Variants in TRIQK observed in about 807,000 individuals in gnomAD.
The protein encoded by TRIQK is triple QxxK/R motif-containing protein.
In TRIQK, 10 loss-of-function variants were observed where a neutral mutation model predicts 10.8. That is an observed-to-expected ratio of 0.92 (90% CI 0.57 to 1.57). The LOEUF (loss-of-function observed/expected upper bound fraction) is 1.57. Ranked by LOEUF, TRIQK falls within the 40% of genes most tolerant of loss-of-function variation. TRIQK has a pLI of 0.00. For missense variants in TRIQK, 107 were observed against 97.7 expected (o/e 1.09, Z -0.40); for synonymous variants, 33 against 33.7 (o/e 0.98, Z 0.07).
In TRIQK at chr8:92,915,006, A is replaced by T. The variant is rs764993710; in HGVS notation, c.61+1923T>A. On this transcript the variant is annotated intron_variant, in intron 3 of 4. Coordinates refer to ENST00000521988, the MANE Select transcript of TRIQK (RefSeq NM_001171797.2). ...GGAATCAAGAAATTATTTTATACAT[A>T]TATAAAAATATATTTCACCCTTTAA... Among the ~76,000 whole-genome samples, 3 of 152,200 alleles carry T rather than the reference A, an allele frequency of 2.0e-5. No individual in the cohort carries two copies. In the South Asian group the frequency reaches 6.2e-4, roughly 31 times the overall value.
At chr8:92,889,667 A>G (rs1280119392) in intron 4 of TRIQK, among the ~76,000 whole-genome samples, 1 of 151,634 alleles carries the variant, frequency 6.6e-6, no homozygotes, top group Non-Finnish European at 1.5e-5. Flanking sequence ...ATCAGCTAAT[A>G]ATTCATAAGT....
chr8:92,977,691 T>C (rs1238125275), intron 1 of TRIQK, among the ~76,000 whole-genome samples: 1 of 152,170 alleles, frequency 6.6e-6, no homozygotes, highest in Non-Finnish European at 1.5e-5. Context: ...TTTTCTTATT[T>C]GTTTTCACAC....
chr8:92,972,177 A>G (rs1156495559), intron 1 of TRIQK, among the ~76,000 whole-genome samples: 1 of 152,030 alleles, frequency 6.6e-6, no homozygotes, highest in Non-Finnish European at 1.5e-5. Flanking sequence ...TCTTGTATAC[A>G]ATATATTGTT....
At chr8:92,921,119 AG>A (rs1810159543) in intron 2 of TRIQK, among the ~76,000 whole-genome samples, 1 of 151,694 alleles carries the variant, frequency 6.6e-6, no homozygotes, top group Non-Finnish European at 1.5e-5. Context: ...GCAGGTATAA[AG>A]CAGTTATCCA....
At chr8:92,987,160 T>C (rs1813043963) in intron 1 of TRIQK, among the ~76,000 whole-genome samples, 1 of 152,236 alleles carries the variant, frequency 6.6e-6, no homozygotes, top group Non-Finnish European at 1.5e-5. Context: ...AAGTGTTTTC[T>C]TTTTTAAGAA....
rs180865489 is a variant in TRIQK, at chr8:92,952,963, A to G, written c.-22+1443T>C. On this transcript the variant is annotated intron_variant, in intron 2 of 4. Coordinates refer to ENST00000521988, the MANE Select transcript of TRIQK (RefSeq NM_001171797.2). Reference sequence around the variant, plus strand: ...GAACCATTCTACCAACTTATTTTGGATATGTAGTCTGTGTGTTGTGTTAAG... The same window carrying G: ...GAACCATTCTACCAACTTATTTTGGGTATGTAGTCTGTGTGTTGTGTTAAG... 1.3e-4 allele frequency among the ~76,000 whole-genome samples: 20 copies of G among 152,098 alleles called. No individual in the cohort carries two copies. In the East Asian group the frequency reaches 3.5e-3, roughly 26 times the overall value.
chr8:92,887,062 G>A (rs1291262733), intron 4 of TRIQK: 1 of 167,888 alleles, frequency 6.0e-6, no homozygotes, highest in Non-Finnish European at 1.3e-5. Context: ...TACAAGCAAT[G>A]CAGTTTGTAT....
chr8:92,889,896 A>T (rs1249667029), intron 4 of TRIQK, among the ~76,000 whole-genome samples: 1 of 151,716 alleles, frequency 6.6e-6, no homozygotes, highest in Non-Finnish European at 1.5e-5. Flanking sequence ...CTATCCATGC[A>T]TCTGTTCATA....
At chr8:92,967,596 C>T (rs573744682), upstream of TRIQK, among the ~76,000 whole-genome samples, 1 of 151,888 alleles carries the variant, frequency 6.6e-6, no homozygotes, top group South Asian at 2.1e-4. Context: ...CTGAGGTGGA[C>T]GGATTGCCTG....
chr8:92,898,938 G>A (rs1808773803), intron 3 of TRIQK, among the ~76,000 whole-genome samples: 1 of 145,482 alleles, frequency 6.9e-6, no homozygotes, highest in Admixed American at 6.9e-5. Flanking sequence ...CAGGGTAAAT[G>A]CGGTATCTAT....
chr8:92,992,605 T>C (rs1483516387), intron 1 of TRIQK, among the ~76,000 whole-genome samples: 1 of 152,188 alleles, frequency 6.6e-6, no homozygotes, highest in Admixed American at 6.5e-5. Context: ...GGTGTAGGAA[T>C]GCTGTTAAAG....
rs1438913717 is a variant in TRIQK, at chr8:93,016,095, T to C, written c.-181+1514A>G. Among the ~76,000 whole-genome samples the C allele has an allele frequency of 2.6e-5, 4 of 152,194 alleles. No individual in the cohort carries two copies. In the South Asian group the frequency reaches 8.3e-4, roughly 32 times the overall value. On this transcript the variant is annotated intron_variant, in intron 1 of 4. Transcript: ENST00000520686. ...CTCATTGAAAACTGATGATCTTGAA[T>C]GCTTCTTAGCAAAGATTTACTTGCA...
In TRIQK at chr8:92,883,577, T is replaced by G. The variant is rs1360479188; in HGVS notation, c.*3045A>C. The G allele has an allele frequency of 6.6e-6, 1 of 151,714 alleles. No individual in the cohort carries two copies. The highest frequency in any genetic ancestry group is 1.5e-5 in the Non-Finnish European group (1 of 67,786). 9.4% of individuals were successfully genotyped at this position (151,714 alleles called of 1,614,324 possible). A position where few individuals can be genotyped will look rare whatever the true frequency, so the allele number is the denominator to read the frequency against. ...AGTTTTATTGATTAAATTCAAACTT[T>G]TTTATCATTTACACAAAGAAACTGT... On this transcript the variant is annotated 3_prime_UTR_variant, in exon 5 of 5. Coordinates refer to ENST00000521988, the MANE Select transcript of TRIQK (RefSeq NM_001171797.2).
intron 3 of TRIQK, among the ~76,000 whole-genome samples, chr8:92,912,935 G>C (rs1176359871): frequency 6.6e-6 from 1 of 151,316 alleles, no homozygotes; most frequent in Non-Finnish European, 1.5e-5. Flanking sequence ...GAAAAAGAGG[G>C]AACACCTTCA....
chr8:92,994,183 A>G (rs1278343366), intron 1 of TRIQK, among the ~76,000 whole-genome samples: 2 of 152,178 alleles, frequency 1.3e-5, no homozygotes, highest in Admixed American at 1.3e-4. Context: ...TTAATATTGT[A>G]TCGTGTATAC....
At chr8:92,898,833 G>GTATATATA (rs67063066) in intron 3 of TRIQK, among the ~76,000 whole-genome samples, 2,203 of 73,694 alleles carry the variant, frequency 0.03, 86 homozygotes, top group Non-Finnish European at 0.033. Context: ...GTGTGTGTGT[G>GTATATATA]TATATATATA....
At chr8:92,925,333 G>A (rs1810394078) in intron 2 of TRIQK, among the ~76,000 whole-genome samples, 1 of 151,864 alleles carries the variant, frequency 6.6e-6, no homozygotes, top group South Asian at 2.1e-4. Flanking sequence ...CTTTGTAGAG[G>A]CAAATATTTA....
intron 3 of TRIQK, among the ~76,000 whole-genome samples, chr8:92,895,954 A>G (rs1808570865): frequency 6.6e-6 from 1 of 152,182 alleles, no homozygotes; most frequent in Admixed American, 6.6e-5. Context: ...AGAGAATACT[A>G]AAGGTGTGAC....
chr8:93,013,878 G>A (rs926092038), intron 1 of TRIQK, among the ~76,000 whole-genome samples: 13 of 152,136 alleles, frequency 8.5e-5, no homozygotes, highest in African/African-American at 3.1e-4. Context: ...ACAGATGTCA[G>A]TTTCAAGCTT....
Sources: allele counts gnomAD v4.1 joint callset (sites outside exome capture counted in the v4.1 genomes callset), GRCh38; gene constraint gnomAD v4.1.1; transcripts MANE v1.5; gene names NCBI Gene and HGNC (gene_info 2026-07-23, HGNC 2026-07-21).